Variants in TMEM192 observed in about 807,000 individuals in gnomAD.
The protein encoded by TMEM192 is transmembrane protein 192.
A neutral mutation model predicts 26.7 loss-of-function variants in TMEM192; 20 were observed. That is an observed-to-expected ratio of 0.75 (90% CI 0.53 to 1.09). The LOEUF is 1.09. Among genes scored for constraint, TMEM192 ranks in the 50% least tolerant of loss-of-function variants. The pLI, the probability that TMEM192 is intolerant of heterozygous loss-of-function variation, is 0.00. For synonymous variants in TMEM192, 124 were observed against 121.0 expected (o/e 1.02, Z -0.16); for missense variants, 304 against 322.6 (o/e 0.94, Z 0.44).
rs1167500425 is a variant in TMEM192, at chr4:165,079,864, AG to A, written c.678-69del. 32 of 1,450,308 alleles carry A rather than the reference AG, an allele frequency of 2.2e-5. No individual in the cohort carries two copies. In the Admixed American group the frequency reaches 4.0e-4, roughly 18 times the overall value. 89.8% of individuals were successfully genotyped at this position (1,450,308 alleles called of 1,614,324 possible). A position where few individuals can be genotyped will look rare whatever the true frequency, so the allele number is the denominator to read the frequency against. ...ATACTCATTAGTGTCTTTGCAAATGAGTACCTACTAGTTTTTAGTAAAGCAT... is the reference window on the plus strand; with the variant it reads ...ATACTCATTAGTGTCTTTGCAAATGATACCTACTAGTTTTTAGTAAAGCAT... On this transcript the variant is annotated intron_variant, in intron 5 of 5. Transcript: ENST00000306480.
At chr4:165,101,126 G>A (rs546448755) in intron 2 of TMEM192, among the ~76,000 whole-genome samples, 10 of 151,338 alleles carry the variant, frequency 6.6e-5, no homozygotes, top group South Asian at 2.1e-4. Flanking sequence ...ACAGGCACCC[G>A]CCACCACGCC....
chr4:165,074,703 A>T lies in TMEM192; in HGVS notation c.*4955T>A, dbSNP rs989474759. On this transcript the variant is annotated 3_prime_UTR_variant, in exon 6 of 6. Coordinates refer to ENST00000306480, the MANE Select transcript of TMEM192 (RefSeq NM_001100389.2). ...CATGATCCGCCTGCCTCGGCCTCCC[A>T]AAGTGCTGGAATTACCGGTGTGAGC... 6.6e-6 allele frequency: 1 copy of T among 151,742 alleles called. No individual in the cohort carries two copies. The highest frequency in any genetic ancestry group is 1.5e-5 in the Non-Finnish European group (1 of 68,026). The allele number at this position is 151,742 out of a possible 1,614,324, so 9.4% of individuals were successfully genotyped here. A position where few individuals can be genotyped will look rare whatever the true frequency, so the allele number is the denominator to read the frequency against.
At chr4:165,098,491 G>A (rs11726318) in intron 3 of TMEM192, among the ~76,000 whole-genome samples, 2,189 of 150,644 alleles carry the variant, frequency 0.015, 31 homozygotes, top group African/African-American at 0.036. Context: ...CTCATTTTTG[G>A]TAGAGATGGG....
intron 5 of TMEM192, among the ~76,000 whole-genome samples, chr4:165,084,408 A>T (rs367594844): frequency 6.6e-6 from 1 of 151,026 alleles, no homozygotes; most frequent in Non-Finnish European, 1.5e-5. Context: ...CATGTTGGCC[A>T]GGCTGGTCTT....
chr4:165,080,467 T>C (rs1364615145), intron 5 of TMEM192, among the ~76,000 whole-genome samples: 1 of 152,146 alleles, frequency 6.6e-6, no homozygotes, highest in Non-Finnish European at 1.5e-5. Flanking sequence ...GACAATAATA[T>C]GCCAGATGAA....
chr4:165,111,110 G>A (rs1441707205), intron 1 of TMEM192, among the ~76,000 whole-genome samples: 1 of 152,018 alleles, frequency 6.6e-6, no homozygotes, highest in Non-Finnish European at 1.5e-5. Context: ...TTTTATTTTT[G>A]AGACAGAGTC....
intron 3 of TMEM192, among the ~76,000 whole-genome samples, chr4:165,099,102 CTTTT>C (rs1160535314): frequency 1.8e-3 from 231 of 126,204 alleles, no homozygotes; most frequent in Non-Finnish European, 2.9e-3. Flanking sequence ...TTTTTTCTTT[CTTTT>C]TTTTTTTTTT....
At chr4:165,107,423 GT>G (rs1398800710) in intron 1 of TMEM192, among the ~76,000 whole-genome samples, 1 of 151,040 alleles carries the variant, frequency 6.6e-6, no homozygotes, top group African/African-American at 2.4e-5. Context: ...TGCAGCCTCC[GT>G]GCCCCCCTCC....
chr4:165,103,449 A>C (rs1393994048), intron 1 of TMEM192, among the ~76,000 whole-genome samples: 12 of 150,384 alleles, frequency 8.0e-5, no homozygotes, highest in African/African-American at 2.4e-4. Flanking sequence ...GGTTCGAGCA[A>C]TTCTCCTGCC....
intron 1 of TMEM192, among the ~76,000 whole-genome samples, chr4:165,111,183 T>C (rs1735285671): frequency 6.6e-6 from 1 of 152,234 alleles, no homozygotes; most frequent in African/African-American, 2.4e-5. Flanking sequence ...CACTGCAACC[T>C]CTGCCTTCCG....
chr4:165,085,538 C>T, intron 5 of TMEM192, 48 bp downstream of exon 5: 4 of 1,273,710 alleles, frequency 3.1e-6, no homozygotes, highest in Admixed American at 2.1e-5. Flanking sequence ...TGGTTTCTAG[C>T]TTTCTAGGGG....
chr4:165,098,413 C>A (rs568591617), intron 3 of TMEM192, among the ~76,000 whole-genome samples: 1 of 152,214 alleles, frequency 6.6e-6, no homozygotes, highest in East Asian at 1.9e-4. Flanking sequence ...GCGTGAGCCA[C>A]CACGCCCAGG....
intron 3 of TMEM192, among the ~76,000 whole-genome samples, chr4:165,090,289 G>C (rs1734728690): frequency 6.7e-6 from 1 of 149,932 alleles, no homozygotes; most frequent in Non-Finnish European, 1.5e-5. Flanking sequence ...AGTTTGAGGT[G>C]GTAGAATTGC....
At chr4:165,086,804 G>A (rs1043568135) in intron 4 of TMEM192, among the ~76,000 whole-genome samples, 3 of 150,852 alleles carry the variant, frequency 2.0e-5, no homozygotes, top group Admixed American at 1.3e-4. Flanking sequence ...AGCAGGCTAG[G>A]TAGAGGCCAT....
Position 165,079,737 on chromosome 4 carries a change from T to C in TMEM192, c.737A>G (p.Lys246Arg). The C allele has an allele frequency of 6.2e-7, 1 of 1,614,116 alleles. No homozygotes were observed. Among genetic ancestry groups the C allele is most frequent in the South Asian group, 1.1e-5 (1 of 91,074 alleles). The change falls in exon 6 of 6, where the codon AAG (lysine) becomes AGG (arginine). Residue 246 changes from lysine (K) to arginine (R), a missense_variant. Physicochemically the swap from Lys to Arg is conservative, Grantham distance 26. Transcript: ENST00000306480. ...EKQGDTIEYL[K>R]RHNALLSKRL... The stretch of plus-strand genomic sequence containing the variant: ...CTTACTCAGCAGCGCATTGTGTCGC[T>C]TCAGGTATTCAATGGTGTCTCCTTG...
intron 3 of TMEM192, among the ~76,000 whole-genome samples, chr4:165,091,686 A>T (rs990622659): frequency 6.6e-6 from 1 of 150,998 alleles, no homozygotes; most frequent in Admixed American, 6.6e-5. Context: ...ATGGAAAAAA[A>T]ATCTACACAT....
chr4:165,112,610 G>C, intron 1 of TMEM192, 137 bp downstream of exon 1: 2 of 1,308,998 alleles, frequency 1.5e-6, no homozygotes, highest in South Asian at 1.3e-5. Flanking sequence ...AGGCCTCCCC[G>C]GGCACAGGCG....
chr4:165,086,094 A>G (rs1734610054), intron 4 of TMEM192, among the ~76,000 whole-genome samples: 1 of 152,176 alleles, frequency 6.6e-6, no homozygotes, highest in South Asian at 2.1e-4. Context: ...CTAAGACAGT[A>G]TGGAAAGTAC....
intron 3 of TMEM192, among the ~76,000 whole-genome samples, chr4:165,099,317 C>T (rs1023463905): frequency 3.3e-5 from 5 of 150,158 alleles, no homozygotes; most frequent in African/African-American, 9.8e-5. Flanking sequence ...AACTCCTGAC[C>T]TCAAGGGATC....
Sources: gnomAD v4.1 joint callset for allele counts (sites outside exome capture counted in the v4.1 genomes callset) on GRCh38, gnomAD v4.1.1 for gene constraint, MANE v1.5 for transcripts, NCBI Gene and HGNC (gene_info 2026-07-23, HGNC 2026-07-21) for gene names.